The following NXN variants were observed in gnomAD, a reference collection of about 807,000 sequenced individuals.
NXN encodes nucleoredoxin 1.
In NXN, 16 loss-of-function variants were observed where a neutral mutation model predicts 48.6. The observed-to-expected ratio is 0.33, with a 90% CI of 0.22 to 0.50. NXN has a LOEUF of 0.50. Among genes scored for constraint, NXN ranks in the 20% least tolerant of loss-of-function variants. The pLI, the probability that NXN is intolerant of heterozygous loss-of-function variation, is 0.98. For missense variants in NXN, 492 were observed against 605.5 expected, an observed-to-expected ratio of 0.81 and a Z score of 1.97; for synonymous variants, 281 against 269.6, an observed-to-expected ratio of 1.04 and a Z score of -0.41.
intron 5 of NXN, among the ~76,000 whole-genome samples, chr17:814,679 G>C (rs1435348470): frequency 2.0e-5 from 3 of 152,202 alleles, no homozygotes; most frequent in Non-Finnish European, 2.9e-5. Context: ...CTCTCCTAGT[G>C]ACTTCCCGTG....
Position 841,624 on chromosome 17 carries a change from G to C in NXN, c.361-15546C>G, listed in dbSNP as rs897662918. 3.1e-3 allele frequency among the ~76,000 whole-genome samples: 170 copies of C among 54,122 alleles called. 3 individuals are homozygous for C. Among genetic ancestry groups the C allele is most frequent in the African/African-American group, 7.2e-3 (65 of 9,068 alleles). 35.5% of individuals were successfully genotyped at this position (54,122 alleles called of 152,430 possible). On this transcript the variant is annotated intron_variant, in intron 1 of 7. Transcript: ENST00000336868. ...CCCCCGACCACAGAGCATCTCACAC[G>C]GGCAAGCAGGTCCACCCTGACCACA...
At chr17:934,611 T>C (rs551790447) in intron 1 of NXN, among the ~76,000 whole-genome samples, 20 of 151,308 alleles carry the variant, frequency 1.3e-4, no homozygotes, top group African/African-American at 4.1e-4. Flanking sequence ...CAGTGGCTCA[T>C]GCCTGTAATC....
chr17:847,694 A>G (rs1047255845), intron 1 of NXN, among the ~76,000 whole-genome samples: 2 of 152,130 alleles, frequency 1.3e-5, no homozygotes, highest in Admixed American at 6.6e-5. Context: ...CTTTCCCTCC[A>G]CCAGCTCCTG....
chr17:823,799 A>G, intron 2 of NXN, 34 bp from the exon 3 acceptor site: 2 of 1,612,916 alleles, frequency 1.2e-6, no homozygotes, highest in Non-Finnish European at 1.7e-6. Context: ...AAGAGGGCTT[A>G]GACCCTTCTT....
At position 823,681 on chromosome 17, in the gene NXN, C is replaced by G. The variant is rs1912940335; in HGVS notation, c.563G>C (p.Ser188Thr). 1 of 1,614,162 alleles carries G rather than the reference C, an allele frequency of 6.2e-7. No individual in the cohort carries two copies. The highest frequency in any genetic ancestry group is 2.2e-5 in the East Asian group (1 of 44,864). ...LLRNNGQSLE[S>T]SSLEGSHVGV... is the part of the protein sequence containing the mutation. Reference sequence around the variant, plus strand: ...CACGTGAGACCCCTCCAGGCTGCTGCTCTCCAGAGACTGCCCATTGTTTCT... The same window carrying G: ...CACGTGAGACCCCTCCAGGCTGCTGGTCTCCAGAGACTGCCCATTGTTTCT... Residue 188 changes from serine (S) to threonine (T), a missense_variant, in exon 3 of 8, where the codon AGC becomes ACC. By Grantham distance (58) the Ser-to-Thr change is moderately conservative (BLOSUM62 1). Transcript: ENST00000336868.
In NXN at chr17:917,602, C is replaced by T. The variant is rs1053920289; in HGVS notation, c.360+61717G>A. 6.6e-6 allele frequency among the ~76,000 whole-genome samples: 1 copy of T among 152,234 alleles called. No homozygotes were observed. Among genetic ancestry groups the T allele is most frequent in the Non-Finnish European group, 1.5e-5 (1 of 68,038 alleles). On this transcript the variant is annotated intron_variant, in intron 1 of 7. Coordinates refer to ENST00000336868, the MANE Select transcript of NXN (RefSeq NM_022463.5). This position sits in a 1 kb window ranked among gnomAD's most constrained non-coding sequence, Gnocchi z 4.5. ...AACTTAGCACTGGTGTCTACAGGCT[C>T]GATTCCCAGCTCTCCCACAAGGACG...
At chr17:975,647 A>G (rs989284661) in intron 1 of NXN, among the ~76,000 whole-genome samples, 1 of 152,164 alleles carries the variant, frequency 6.6e-6, no homozygotes, top group Non-Finnish European at 1.5e-5. Context: ...TGTCCAGAGG[A>G]AGCCAGTGGT....
At chr17:907,528 T>C (rs1458785832) in intron 1 of NXN, among the ~76,000 whole-genome samples, 1 of 151,950 alleles carries the variant, frequency 6.6e-6, no homozygotes, top group East Asian at 1.9e-4. Context: ...TTAGTAGAGA[T>C]GGGGTTTCAC....
chr17:845,919 C>T (rs1023663684), intron 1 of NXN, among the ~76,000 whole-genome samples: 3 of 151,846 alleles, frequency 2.0e-5, no homozygotes, highest in African/African-American at 2.4e-5. Flanking sequence ...AAAAATTAGC[C>T]GGGTGTGGTG....
chr17:945,425 T>G (rs994636330), intron 1 of NXN, among the ~76,000 whole-genome samples: 6 of 151,060 alleles, frequency 4.0e-5, no homozygotes, highest in African/African-American at 1.5e-4. Context: ...AGATAAGAGT[T>G]TCCCCCATCC....
intron 1 of NXN, among the ~76,000 whole-genome samples, chr17:881,200 T>C (rs1211273616): frequency 6.6e-6 from 1 of 152,240 alleles, no homozygotes; most frequent in Non-Finnish European, 1.5e-5. Flanking sequence ...GGTGAGGACG[T>C]GGAGCAAGTG....
At position 800,873 on chromosome 17, in the gene NXN, G is replaced by T; in HGVS notation, c.*76C>A. 1 of 1,121,610 alleles carries T rather than the reference G, an allele frequency of 8.9e-7. No individual in the cohort carries two copies. 69.5% of individuals were successfully genotyped at this position (1,121,610 alleles called of 1,614,324 possible). A position where few individuals can be genotyped will look rare whatever the true frequency, so the allele number is the denominator to read the frequency against. ...GTGGGATTCGGGGCACGCTGGGTAA[G>T]TCCAAGGGCGGAAGGAAGGAGGGGG... On this transcript the variant is annotated 3_prime_UTR_variant, in exon 8 of 8. Coordinates refer to ENST00000336868, the MANE Select transcript of NXN (RefSeq NM_022463.5).
chr17:834,819 C>A (rs974217301), intron 1 of NXN, among the ~76,000 whole-genome samples: 4 of 151,854 alleles, frequency 2.6e-5, no homozygotes, highest in African/African-American at 9.7e-5. Context: ...CTGTGTCTGG[C>A]TAATTTTTGT....
chr17:886,225 T>C (rs894466069), intron 1 of NXN, among the ~76,000 whole-genome samples: 2 of 152,090 alleles, frequency 1.3e-5, no homozygotes, highest in African/African-American at 4.8e-5. Flanking sequence ...TCAGGAAAAC[T>C]ACGCAAGGCC....
chr17:835,214 A>G (rs982439888), intron 1 of NXN, among the ~76,000 whole-genome samples: 5 of 151,104 alleles, frequency 3.3e-5, no homozygotes, highest in South Asian at 2.1e-4. Context: ...AGGCTGAGGC[A>G]GGAGAATGGC....
intron 1 of NXN, among the ~76,000 whole-genome samples, chr17:858,282 G>C (rs1393264882): frequency 6.6e-6 from 1 of 152,060 alleles, no homozygotes; most frequent in Admixed American, 6.6e-5. Flanking sequence ...GCCTCCCAAA[G>C]TGCTGGGATT....
intron 1 of NXN, among the ~76,000 whole-genome samples, chr17:841,624 G>T (rs897662918): frequency 3.7e-5 from 2 of 54,302 alleles, no homozygotes; most frequent in East Asian, 5.5e-4. Flanking sequence ...CATCTCACAC[G>T]GGCAAGCAGG....
intron 1 of NXN, among the ~76,000 whole-genome samples, chr17:867,310 T>C (rs1299186885): frequency 8.9e-6 from 1 of 112,528 alleles, no homozygotes; most frequent in Non-Finnish European, 1.8e-5. Context: ...GGTCAGCAAG[T>C]TCTCGGGGTT....
intron 1 of NXN, among the ~76,000 whole-genome samples, chr17:914,551 T>C (rs901186675): frequency 1.2e-4 from 18 of 148,432 alleles, no homozygotes; most frequent in African/African-American, 4.1e-4. Flanking sequence ...AGGTCTGTAA[T>C]TGGTAGCGCA....
Sources: gnomAD v4.1 joint callset for allele counts (sites outside exome capture counted in the v4.1 genomes callset) on GRCh38, gnomAD v4.1.1 for gene constraint, Gnocchi (gnomAD v3.1) non-coding constraint, MANE v1.5 for transcripts, NCBI Gene and HGNC (gene_info 2026-07-23, HGNC 2026-07-21) for gene names.